The following XCR1 variants were observed in gnomAD, a reference collection of about 807,000 sequenced individuals.
XCR1 encodes the protein X-C motif chemokine receptor 1, also known as chemokine XC receptor 1.
For synonymous variants in XCR1, 187 were observed against 188.5 expected, an observed-to-expected ratio of 0.99 and a Z score of 0.06; for missense variants, 356 against 424.2, an observed-to-expected ratio of 0.84 and a Z score of 1.41.
chr3:46,026,241 G>A (rs960122893), intron 1 of XCR1, among the ~76,000 whole-genome samples: 2 of 152,138 alleles, frequency 1.3e-5, no homozygotes, highest in East Asian at 1.9e-4. Flanking sequence ...AGGCAGTCAT[G>A]TTCTGGGCCT....
chr3:46,051,566 T>G (rs1697743796), intron 5 of XCR1, among the ~76,000 whole-genome samples: 1 of 152,234 alleles, frequency 6.6e-6, no homozygotes, highest in Admixed American at 6.5e-5. Flanking sequence ...GTGGGTCTAT[T>G]AGAGGCTATG....
chr3:46,034,552 A>G (rs1036524696), intron 5 of XCR1, among the ~76,000 whole-genome samples: 1 of 152,182 alleles, frequency 6.6e-6, no homozygotes, highest in Non-Finnish European at 1.5e-5. Flanking sequence ...GGGGAAACAC[A>G]TCCAGTTTCT....
intron 5 of XCR1, among the ~76,000 whole-genome samples, chr3:46,042,969 A>T (rs4683164): frequency 6.6e-6 from 1 of 152,050 alleles, no homozygotes. Flanking sequence ...AGAGCTATAT[A>T]CTTGGATTAA....
chr3:46,046,492 G>A (rs1438610522), intron 5 of XCR1, among the ~76,000 whole-genome samples: 1 of 152,228 alleles, frequency 6.6e-6, no homozygotes, highest in African/African-American at 2.4e-5. Flanking sequence ...CCCACATCCT[G>A]CATTCATGAT....
At position 46,021,687 on chromosome 3, in the gene XCR1, C is replaced by T. The variant is rs1708156277; in HGVS notation, c.261G>A (p.Trp87Ter). 6.2e-7 allele frequency: 1 copy of T among 1,613,872 alleles called. No homozygotes were observed. The highest frequency in any genetic ancestry group is 1.3e-5 in the African/African-American group (1 of 74,828). Reference sequence around the variant, plus strand: ...CCCAGCCCCAGTGGTATGGGGAGATCCACACAGGCAACAAGCAGGCGAACA... The same window carrying T: ...CCCAGCCCCAGTGGTATGGGGAGATTCACACAGGCAACAAGCAGGCGAACA... ...DLVFACLLPV[W>*]ISPYHWGWVL... The change falls in exon 2 of 2, where the codon TGG (tryptophan) becomes TGA (stop). Residue 87 changes from tryptophan (W) to a stop codon, truncating the protein, a stop_gained. Transcript: ENST00000309285. LOFTEE classifies it low-confidence loss of function (END_TRUNC). The surrounding 1 kb of genome is among the most constrained non-coding windows in gnomAD (Gnocchi z 4.7).
chr3:46,045,168 C>G (rs1038740969), intron 5 of XCR1, among the ~76,000 whole-genome samples: 1 of 152,098 alleles, frequency 6.6e-6, no homozygotes, highest in South Asian at 2.1e-4. Flanking sequence ...CACCTGTAAT[C>G]CCAGCACTTT....
intron 5 of XCR1, among the ~76,000 whole-genome samples, chr3:46,037,395 A>G (rs998710283): frequency 2.0e-5 from 3 of 152,138 alleles, no homozygotes; most frequent in African/African-American, 7.2e-5. Context: ...TTATAAAGAA[A>G]AGAGAAAAAT....
chr3:46,062,810 G>A (rs576658192), intron 4 of XCR1, among the ~76,000 whole-genome samples: 3 of 152,340 alleles, frequency 2.0e-5, no homozygotes, highest in Non-Finnish European at 2.9e-5. Flanking sequence ...TGTCGTCTCC[G>A]ATGGAACTCC....
intron 1 of XCR1, among the ~76,000 whole-genome samples, chr3:46,082,265 C>A (rs138681867): frequency 5.3e-5 from 8 of 152,044 alleles, no homozygotes; most frequent in Admixed American, 2.6e-4. Context: ...TAATGCCTAC[C>A]ACACCTGAAA....
intron 5 of XCR1, among the ~76,000 whole-genome samples, chr3:46,048,897 C>T (rs563992256): frequency 6.6e-6 from 1 of 152,140 alleles, no homozygotes; most frequent in Non-Finnish European, 1.5e-5. Context: ...GTTTGATGTG[C>T]CTGCTCTATA....
chr3:46,075,712 C>A (rs928912873), intron 2 of XCR1, among the ~76,000 whole-genome samples: 3 of 151,954 alleles, frequency 2.0e-5, no homozygotes, highest in African/African-American at 7.3e-5. Context: ...CAAAAAACAA[C>A]CAATTCAGTT....
At chr3:46,039,571 T>G (rs759931357) in intron 5 of XCR1, among the ~76,000 whole-genome samples, 1 of 152,200 alleles carries the variant, frequency 6.6e-6, no homozygotes, top group Non-Finnish European at 1.5e-5. Flanking sequence ...GCTGTTAAGT[T>G]ACAGGCCTTT....
Position 46,018,150 on chromosome 3 carries a change from A to C in XCR1, c.*2796T>G, listed in dbSNP as rs1310690744. ...ATTAGGGATGCCAAAACATCACTGG[A>C]AGTATAAAGAGTCAGATATGAAACG... is the stretch of plus-strand genomic sequence containing the variant. On this transcript the variant is annotated 3_prime_UTR_variant, in exon 2 of 2. Coordinates refer to ENST00000309285, the MANE Select transcript of XCR1 (RefSeq NM_001024644.2). 6.6e-6 allele frequency: 1 copy of C among 152,120 alleles called. No individual in the cohort carries two copies. Among genetic ancestry groups the C allele is most frequent in the African/African-American group, 2.4e-5 (1 of 41,398 alleles). The allele number at this position is 152,120 out of a possible 1,614,324, so 9.4% of individuals were successfully genotyped here.
chr3:46,072,210 AAAC>A (rs1266091374), intron 3 of XCR1, among the ~76,000 whole-genome samples: 1 of 152,148 alleles, frequency 6.6e-6, no homozygotes, highest in Non-Finnish European at 1.5e-5. Flanking sequence ...ACTAAAATTA[AAAC>A]AACAACAACA....
At position 46,021,980 on chromosome 3, in the gene XCR1, T is replaced by G; in HGVS notation, c.-31-2A>C. 1.3e-6 allele frequency: 2 copies of G among 1,577,586 alleles called. No homozygotes were observed. Among genetic ancestry groups the G allele is most frequent in the Non-Finnish European group, 8.6e-7 (1 of 1,162,936 alleles). On this transcript the variant is annotated splice_acceptor_variant, in intron 1 of 1. Transcript: ENST00000309285. LOFTEE classifies it low-confidence loss of function (5UTR_SPLICE). This position sits in a 1 kb window ranked among gnomAD's most constrained non-coding sequence, Gnocchi z 4.7. ...AGATGGCAGGGACGTTTAGAGCATC[T>G]GAAATGATAGAGACATGGAGTTTAA...
chr3:46,065,658 G>A (rs1025064192), intron 4 of XCR1, among the ~76,000 whole-genome samples: 5 of 152,140 alleles, frequency 3.3e-5, no homozygotes, highest in Admixed American at 6.5e-5. Flanking sequence ...TGGTGGCCCC[G>A]GGCTACACCA....
At chr3:46,055,991 C>T (rs1389663319) in intron 4 of XCR1, among the ~76,000 whole-genome samples, 1 of 152,210 alleles carries the variant, frequency 6.6e-6, no homozygotes, top group Non-Finnish European at 1.5e-5. Flanking sequence ...TGTCTGGCTC[C>T]AAAGTCTCAG....
intron 5 of XCR1, among the ~76,000 whole-genome samples, chr3:46,050,096 C>A (rs537555721): frequency 9.2e-5 from 14 of 152,154 alleles, no homozygotes; most frequent in Non-Finnish European, 1.9e-4. Flanking sequence ...TATGAACTGG[C>A]CCAAAAGTCC....
chr3:46,072,282 G>A (rs1045052907), intron 3 of XCR1, among the ~76,000 whole-genome samples: 6 of 152,202 alleles, frequency 3.9e-5, no homozygotes, highest in African/African-American at 1.4e-4. Context: ...ATCTTGGGAG[G>A]CTGAGGTGGG....
Sources: gnomAD v4.1 joint callset for allele counts (sites outside exome capture counted in the v4.1 genomes callset) on GRCh38, gnomAD v4.1.1 for gene constraint, Gnocchi (gnomAD v3.1) non-coding constraint, MANE v1.5 for transcripts, NCBI Gene and HGNC (gene_info 2026-07-23, HGNC 2026-07-21) for gene names.